VPS54: variants seen among roughly 807,000 people sequenced by gnomAD.
VPS54 encodes the protein vacuolar protein sorting-associated protein 54.
A neutral mutation model predicts 121.5 loss-of-function variants in VPS54; 45 were observed. The observed-to-expected ratio is 0.37, with a 90% CI of 0.29 to 0.47. The LOEUF (loss-of-function observed/expected upper bound fraction) is 0.47, where lower values mean the gene tolerates loss of function less well. Among genes scored for constraint, VPS54 ranks in the 20% least tolerant of loss-of-function variants. VPS54 has a pLI of 0.99. For synonymous variants in VPS54, 371 were observed against 385.8 expected, an observed-to-expected ratio of 0.96 and a Z score of 0.45; for missense variants, 1,090 against 1,131.4, an observed-to-expected ratio of 0.96 and a Z score of 0.52.
intron 18 of VPS54, among the ~76,000 whole-genome samples, 197 bp from the exon 19 acceptor site, chr2:63,912,858 T>C (rs1354225143): frequency 6.6e-6 from 1 of 152,208 alleles, no homozygotes; most frequent in African/African-American, 2.4e-5. Flanking sequence ...GTAATGAACA[T>C]GCTGCTTTCA....
chr2:63,990,275 T>A (rs948727943), intron 1 of VPS54, among the ~76,000 whole-genome samples: 35 of 151,444 alleles, frequency 2.3e-4, no homozygotes, highest in African/African-American at 8.2e-4. Flanking sequence ...CGTTACCCCC[T>A]GCTGACCTTG....
intron 12 of VPS54, among the ~76,000 whole-genome samples, chr2:63,923,448 T>C (rs1177540323): frequency 6.6e-6 from 1 of 152,092 alleles, no homozygotes; most frequent in Non-Finnish European, 1.5e-5. Context: ...AAGTAAGATC[T>C]CTAGGATTTA....
At chr2:63,974,144 T>C (rs1676412157) in intron 3 of VPS54, among the ~76,000 whole-genome samples, 1 of 152,220 alleles carries the variant, frequency 6.6e-6, no homozygotes, top group Admixed American at 6.5e-5. Flanking sequence ...CAAGGTGGTA[T>C]GTCTATATTC....
chr2:64,008,822 A>C (rs937936782), intron 1 of VPS54, among the ~76,000 whole-genome samples: 7 of 152,246 alleles, frequency 4.6e-5, no homozygotes, highest in Non-Finnish European at 1.0e-4. Context: ...TTGCATCATC[A>C]CTAATATCTG....
intron 2 of VPS54, 24 bp from the exon 3 acceptor site, chr2:63,981,911 T>TG (rs771002695): frequency 6.3e-7 from 1 of 1,599,212 alleles, no homozygotes; most frequent in South Asian, 1.1e-5. Context: ...ACAAGAGAAC[T>TG]CTGTAAATGC....
chr2:63,913,124 G>T, intron 18 of VPS54, 99 bp downstream of exon 18: 1 of 940,084 alleles, frequency 1.1e-6, no homozygotes, highest in Non-Finnish European at 1.6e-6. Flanking sequence ...ATGCCACTTT[G>T]GTTAGAGCCA....
At chr2:63,966,746 C>T (rs796678645) in intron 5 of VPS54, among the ~76,000 whole-genome samples, 3 of 152,210 alleles carry the variant, frequency 2.0e-5, no homozygotes, top group African/African-American at 7.2e-5. Flanking sequence ...TTTTTCTGGA[C>T]CCACTTACCT....
At chr2:63,966,814 C>T (rs1490306929) in intron 5 of VPS54, among the ~76,000 whole-genome samples, 3 of 152,210 alleles carry the variant, frequency 2.0e-5, no homozygotes, top group African/African-American at 7.2e-5. Flanking sequence ...ATTCAATTCT[C>T]TTCCATACTC....
intron 4 of VPS54, 78 bp from the exon 5 acceptor site, chr2:63,969,069 C>T: frequency 8.4e-7 from 1 of 1,191,738 alleles, no homozygotes; most frequent in Non-Finnish European, 1.2e-6. Context: ...TTGACAGATT[C>T]AGTATTGTAC....
At chr2:63,964,092 G>A (rs539580041) in intron 6 of VPS54, among the ~76,000 whole-genome samples, 1 of 152,184 alleles carries the variant, frequency 6.6e-6, no homozygotes, top group African/African-American at 2.4e-5. Flanking sequence ...TAGCATCCTT[G>A]CTCTTAAAAG....
At chr2:63,907,378 C>T (rs1672945394) in intron 20 of VPS54, among the ~76,000 whole-genome samples, 1 of 151,756 alleles carries the variant, frequency 6.6e-6, no homozygotes, top group Non-Finnish European at 1.5e-5. Flanking sequence ...ATTAGCTGGG[C>T]GTGGTGGTGC....
chr2:63,893,609 C>A, intron 22 of VPS54, 74 bp from the exon 23 acceptor site: 2 of 1,276,408 alleles, frequency 1.6e-6, no homozygotes, highest in Non-Finnish European at 2.2e-6. Context: ...CAGTGCTCAC[C>A]GAGTCAGAGT....
chr2:63,929,328 C>A (rs527675756), intron 12 of VPS54, among the ~76,000 whole-genome samples: 1 of 152,092 alleles, frequency 6.6e-6, no homozygotes, highest in South Asian at 2.1e-4. Context: ...TCAGACCACA[C>A]TGCAATCAAA....
At chr2:63,940,582 T>C (rs1038566969) in intron 11 of VPS54, among the ~76,000 whole-genome samples, 1 of 152,148 alleles carries the variant, frequency 6.6e-6, no homozygotes, top group African/African-American at 2.4e-5. Context: ...TGAATAACAC[T>C]GTTTCCTTCA....
At position 63,930,050 on chromosome 2, in the gene VPS54, C is replaced by A. The variant is rs368415721; in HGVS notation, c.1739+3623G>T. On this transcript the variant is annotated intron_variant, in intron 12 of 22. Coordinates refer to ENST00000272322, the MANE Select transcript of VPS54 (RefSeq NM_016516.3). Reference sequence around the variant, plus strand: ...CCTACCAACCAAAAAAAGTTCAGGACCAGACAGATTCACAGCTGAATTCTA... The same window carrying A: ...CCTACCAACCAAAAAAAGTTCAGGAACAGACAGATTCACAGCTGAATTCTA... Among the ~76,000 whole-genome samples the A allele has an allele frequency of 3.2e-4, 48 of 152,150 alleles. 2 individuals are homozygous for A. In the East Asian group the frequency reaches 7.7e-3, roughly 24 times the overall value.
intron 20 of VPS54, among the ~76,000 whole-genome samples, chr2:63,902,033 A>C (rs542365566): frequency 2.0e-5 from 3 of 151,964 alleles, no homozygotes; most frequent in Admixed American, 1.3e-4. Context: ...AACAAAATGA[A>C]AAAACATGCC....
Position 63,983,912 on chromosome 2 carries a change from T to A in VPS54, c.88A>T (p.Ile30Phe), listed in dbSNP as rs775541358. ...FKIEVDPSKH[I>F]RPVPSLPDVC... Reference sequence around the variant, plus strand: ...TCTGGCAGTGATGGCACAGGTCGAATGTGTTTTGACGGATCTACCTCTATT... The same window carrying A: ...TCTGGCAGTGATGGCACAGGTCGAAAGTGTTTTGACGGATCTACCTCTATT... Residue 30 changes from isoleucine to phenylalanine, a missense_variant, in exon 2 of 23, where the codon ATT becomes TTT. Coordinates refer to ENST00000272322, the MANE Select transcript of VPS54 (RefSeq NM_016516.3). 4 of 1,613,628 alleles carry A rather than the reference T, an allele frequency of 2.5e-6. No homozygotes were observed. The Admixed American group carries it at 6.7e-5, about 27-fold the overall frequency.
At chr2:63,950,207 C>T (rs1212877142) in intron 7 of VPS54, among the ~76,000 whole-genome samples, 2 of 152,152 alleles carry the variant, frequency 1.3e-5, no homozygotes, top group Admixed American at 6.5e-5. Flanking sequence ...TTGTTTCGGG[C>T]TTTATGGTCT....
At chr2:64,012,600 C>T (rs1678479798) in intron 1 of VPS54, among the ~76,000 whole-genome samples, 1 of 151,724 alleles carries the variant, frequency 6.6e-6, no homozygotes, top group South Asian at 2.1e-4. Flanking sequence ...CCCCCAACAG[C>T]TGTTTTTGAT....
Sources: gnomAD v4.1 joint callset for allele counts (sites outside exome capture counted in the v4.1 genomes callset) on GRCh38, gnomAD v4.1.1 for gene constraint, MANE v1.5 for transcripts, NCBI Gene and HGNC (gene_info 2026-07-23, HGNC 2026-07-21) for gene names.